The following CFAP45 variants were observed in gnomAD, a reference collection of about 807,000 sequenced individuals.
CFAP45 encodes cilia and flagella associated protein 45, also known as cilia- and flagella-associated protein 45.
In CFAP45, 43 loss-of-function variants were observed where a neutral mutation model predicts 75.6. That is an observed-to-expected ratio of 0.57 (90% CI 0.45 to 0.73). The LOEUF (loss-of-function observed/expected upper bound fraction) is 0.73. CFAP45 is among the 30% of genes least tolerant of loss of function. The pLI, the probability that CFAP45 is intolerant of heterozygous loss-of-function variation, is 0.00. For synonymous variants in CFAP45, 223 were observed against 244.6 expected (o/e 0.91, Z 0.82); for missense variants, 689 against 701.5 (o/e 0.98, Z 0.20).
intron 1 of CFAP45, among the ~76,000 whole-genome samples, chr1:159,897,149 A>C (rs910205464): frequency 2.0e-5 from 3 of 152,156 alleles, no homozygotes; most frequent in South Asian, 2.1e-4. Context: ...CTATAGTCCC[A>C]GCTACTTGGG....
intron 10 of CFAP45, among the ~76,000 whole-genome samples, chr1:159,874,388 C>A (rs1304507854): frequency 6.6e-6 from 1 of 152,164 alleles, no homozygotes; most frequent in East Asian, 1.9e-4. Context: ...TTCCATCATG[C>A]AAACATCTCC....
chr1:159,880,885 C>G (rs1649533080), intron 7 of CFAP45, among the ~76,000 whole-genome samples, 185 bp from the exon 8 acceptor site: 1 of 152,162 alleles, frequency 6.6e-6, no homozygotes, highest in Non-Finnish European at 1.5e-5. Context: ...AACCAAATGG[C>G]CTATTTACAG....
At chr1:159,878,160 A>G (rs1044464154) in intron 8 of CFAP45, among the ~76,000 whole-genome samples, 2 of 152,162 alleles carry the variant, frequency 1.3e-5, no homozygotes, top group Admixed American at 6.5e-5. Context: ...CCACTATGTC[A>G]TAGACAATTT....
chr1:159,885,753 G>C (rs1649664121), intron 6 of CFAP45, among the ~76,000 whole-genome samples: 1 of 152,130 alleles, frequency 6.6e-6, no homozygotes, highest in Non-Finnish European at 1.5e-5. Context: ...TGGGATGCTG[G>C]AGCATAAACA....
chr1:159,872,581 G>T lies in CFAP45; in HGVS notation c.1578-18C>A. ...CAGTGGCTCTGCCGGGGAAACGCAGGCAGGTATAAGGAAAGGTATTGGACC... is the reference window on the plus strand; with the variant it reads ...CAGTGGCTCTGCCGGGGAAACGCAGTCAGGTATAAGGAAAGGTATTGGACC... On this transcript the variant is annotated intron_variant, in intron 11 of 11. Coordinates refer to ENST00000368099, the MANE Select transcript of CFAP45 (RefSeq NM_012337.3). 1 of 1,609,678 alleles carries T rather than the reference G, an allele frequency of 6.2e-7. No homozygotes were observed. Among genetic ancestry groups the T allele is most frequent in the Non-Finnish European group, 8.5e-7 (1 of 1,175,908 alleles).
In CFAP45 at chr1:159,872,576, C is replaced by T. The variant is rs140129903; in HGVS notation, c.1578-13G>A. 3.5e-3 allele frequency: 5,590 copies of T among 1,612,356 alleles called. 20 individuals are homozygous for T. The highest frequency in any genetic ancestry group is 4.0e-3 in the South Asian group (365 of 91,032). ...AAGGCCAGTGGCTCTGCCGGGGAAA[C>T]GCAGGCAGGTATAAGGAAAGGTATT... On this transcript the variant is annotated splice_polypyrimidine_tract_variant and intron_variant, in intron 11 of 11. Coordinates refer to ENST00000368099, the MANE Select transcript of CFAP45 (RefSeq NM_012337.3).
At chr1:159,893,137 G>A in intron 2 of CFAP45, 43 bp downstream of exon 2, 3 of 1,609,128 alleles carry the variant, frequency 1.9e-6, no homozygotes, top group Non-Finnish European at 2.5e-6. Context: ...TTGGGCCTCT[G>A]CCTGCAGGTG....
chr1:159,888,785 A>C (rs1649755536), intron 3 of CFAP45, among the ~76,000 whole-genome samples: 3 of 128,154 alleles, frequency 2.3e-5, no homozygotes, highest in Admixed American at 7.7e-5. Flanking sequence ...ACATGTGCCC[A>C]CTCTGCCCCC....
intron 1 of CFAP45, among the ~76,000 whole-genome samples, chr1:159,899,339 C>T (rs529590042): frequency 7.9e-4 from 120 of 152,224 alleles, no homozygotes; most frequent in African/African-American, 2.8e-3. Context: ...CTGAGGGATA[C>T]AAAGCCCTGC....
At chr1:159,883,807 C>T (rs1255734821) in intron 7 of CFAP45, among the ~76,000 whole-genome samples, 3 of 151,884 alleles carry the variant, frequency 2.0e-5, no homozygotes, top group African/African-American at 4.8e-5. Context: ...AATAAATTAT[C>T]CAAGTGCCTG....
chr1:159,884,860 C>A (rs1036675181), intron 6 of CFAP45, among the ~76,000 whole-genome samples: 7 of 152,142 alleles, frequency 4.6e-5, no homozygotes, highest in Non-Finnish European at 8.8e-5. Context: ...CACCTTCTAC[C>A]TTCCAGTATA....
intron 4 of CFAP45, 52 bp from the exon 5 acceptor site, chr1:159,888,063 C>A: frequency 1.9e-6 from 3 of 1,566,982 alleles, no homozygotes; most frequent in Non-Finnish European, 2.6e-6. Context: ...CGCTCTGTGC[C>A]CTGGGCGCTA....
intron 10 of CFAP45, 43 bp downstream of exon 10, chr1:159,876,513 A>G: frequency 1.4e-6 from 2 of 1,384,620 alleles, no homozygotes; most frequent in Non-Finnish European, 2.1e-6. Context: ...CATCCCTGCT[A>G]CAGTACAAGG....
Position 159,892,575 on chromosome 1 carries a change from C to T in CFAP45, c.129+605G>A, listed in dbSNP as rs993768136. Among the ~76,000 whole-genome samples, 13 of 152,290 alleles carry T rather than the reference C, an allele frequency of 8.5e-5. No homozygotes were observed. In the South Asian group the frequency reaches 1.9e-3, roughly 22 times the overall value. ...ACTGCCCTTCTCTCCATGTCATATT[C>T]TCTTTTTCTCCTTCCCTCTCTTCCT... is the stretch of plus-strand genomic sequence containing the variant. On this transcript the variant is annotated intron_variant, in intron 2 of 11. Transcript: ENST00000368099.
intron 10 of CFAP45, among the ~76,000 whole-genome samples, chr1:159,875,472 C>G (rs1417442370): frequency 6.6e-6 from 1 of 152,180 alleles, no homozygotes; most frequent in African/African-American, 2.4e-5. Context: ...GGCCAAAAAT[C>G]TGGCTCTCGT....
chr1:159,879,469 G>A (rs1452994600), intron 8 of CFAP45, among the ~76,000 whole-genome samples: 2 of 152,214 alleles, frequency 1.3e-5, no homozygotes, highest in African/African-American at 2.4e-5. Context: ...CAGGATTATT[G>A]TAAAGATTAA....
chr1:159,897,003 C>T (rs1343032638), intron 1 of CFAP45, among the ~76,000 whole-genome samples: 1 of 152,190 alleles, frequency 6.6e-6, no homozygotes, highest in East Asian at 1.9e-4. Flanking sequence ...GTAGCTCATG[C>T]CTGTAATCTC....
At chr1:159,899,965 G>T in intron 1 of CFAP45, 131 bp downstream of exon 1, 1 of 858,174 alleles carries the variant, frequency 1.2e-6, no homozygotes, top group Non-Finnish European at 1.8e-6. Context: ...TTCTTCTAGA[G>T]GTGTTCTCCT....
chr1:159,880,439 T>C (rs1649522919), intron 8 of CFAP45, 115 bp downstream of exon 8: 1 of 885,452 alleles, frequency 1.1e-6, no homozygotes, highest in African/African-American at 1.7e-5. Context: ...AGGATGTGCA[T>C]CTTAGAATGA....
Sources: gnomAD v4.1 joint callset for allele counts (sites outside exome capture counted in the v4.1 genomes callset) on GRCh38, gnomAD v4.1.1 for gene constraint, MANE v1.5 for transcripts, NCBI Gene and HGNC (gene_info 2026-07-23, HGNC 2026-07-21) for gene names.